Variants in MATR3 observed in about 807,000 individuals in gnomAD.
MATR3 encodes the protein matrin 3.
A neutral mutation model predicts 85.5 loss-of-function variants in MATR3; 4 were observed. That is an observed-to-expected ratio of 0.05 (90% CI 0.02 to 0.11). The LOEUF (loss-of-function observed/expected upper bound fraction) is 0.11. Among genes scored for constraint, MATR3 ranks in the 10% least tolerant of loss-of-function variants. The pLI, the probability that MATR3 is intolerant of heterozygous loss-of-function variation, is 1.00. For synonymous variants in MATR3, 336 were observed against 343.1 expected, an observed-to-expected ratio of 0.98 and a Z score of 0.23; for missense variants, 685 against 1,016.1, an observed-to-expected ratio of 0.67 and a Z score of 4.43.
intron 2 of MATR3, chr5:139,313,446 T>G (rs1279027112): frequency 3.3e-5 from 5 of 152,086 alleles, no homozygotes; most frequent in African/African-American, 9.7e-5. Flanking sequence ...TCCCAGTGAA[T>G]TTAAATAACA....
At chr5:139,304,173 G>A (rs962827050) in intron 1 of MATR3, among the ~76,000 whole-genome samples, 1 of 152,110 alleles carries the variant, frequency 6.6e-6, no homozygotes, top group Non-Finnish European at 1.5e-5. Context: ...TTTGTTTTGA[G>A]TTGCCTATAA....
rs1175767078 is a variant in MATR3 at position 139,329,979 on chromosome 5, T to C, written c.*584T>C. The C allele has an allele frequency of 1.8e-5, 8 of 453,016 alleles. No individual in the cohort carries two copies. The highest frequency in any genetic ancestry group is 3.1e-5 in the Non-Finnish European group (7 of 226,008). The allele number at this position is 453,016 out of a possible 1,614,324, so 28.1% of individuals were successfully genotyped here. Reference sequence around the variant, plus strand: ...ATAAGAAATATTAAGTAATTGGCTTTAGATTTTGTAATTTTTTTCCCTGAG... The same window carrying C: ...ATAAGAAATATTAAGTAATTGGCTTCAGATTTTGTAATTTTTTTCCCTGAG... On this transcript the variant is annotated 3_prime_UTR_variant, in exon 15 of 15. Transcript: ENST00000394805.
intron 13 of MATR3, 61 bp downstream of exon 13, chr5:139,325,723 T>G: frequency 6.9e-7 from 1 of 1,452,796 alleles, no homozygotes. Flanking sequence ...CTCTTAGGTT[T>G]TAAAATAAGA....
upstream of MATR3, among the ~76,000 whole-genome samples, chr5:139,288,765 C>G (rs1228629037): frequency 6.6e-5 from 10 of 152,224 alleles, no homozygotes; most frequent in East Asian, 1.9e-3. Context: ...CTCAACCTCC[C>G]GAGTAGCTGG....
Position 139,307,914 on chromosome 5 carries a change from C to A in MATR3, c.499C>A (p.Arg167=), listed in dbSNP as rs138894013. 6.2e-7 allele frequency: 1 copy of A among 1,613,972 alleles called. No individual in the cohort carries two copies. Among genetic ancestry groups the A allele is most frequent in the Non-Finnish European group, 8.5e-7 (1 of 1,179,996 alleles). ...TGGTAGAGATGGCAGATCTGCTACA[C>A]GGGAGCCACCATACAGAGTACCTAG... ...SYGRDGRSAT[R]EPPYRVPRDD... is the part of the protein sequence containing the mutation. Residue 167 remains arginine (R), a synonymous_variant, in exon 2 of 15, where the codon CGG becomes AGG. Coordinates refer to ENST00000394805, the MANE Select transcript of MATR3 (RefSeq NM_018834.6). The surrounding 1 kb of genome is among the most constrained non-coding windows in gnomAD (Gnocchi z 4.4).
rs767233367 is a variant in MATR3 at position 139,308,312 on chromosome 5, A to T, written c.897A>T (p.Pro299=). The T allele has an allele frequency of 1.4e-5, 22 of 1,614,036 alleles. No homozygotes were observed. Among genetic ancestry groups the T allele is most frequent in the South Asian group, 4.4e-5 (4 of 91,090 alleles). ...ATCTGTGCTCTATATGTGATTTGCC[A>T]GTTCATTCTAATAAGGTGAGTTAAC... The part of the protein sequence containing the change: ...YPHLCSICDL[P]VHSNKEWSQH... Residue 299 remains proline, a synonymous_variant, in exon 2 of 15, where the codon CCA becomes CCT. Transcript: ENST00000394805.
chr5:139,325,214 C>T, intron 12 of MATR3: 1 of 1,507,720 alleles, frequency 6.6e-7, no homozygotes, highest in South Asian at 1.3e-5. Flanking sequence ...GGCAAAGACG[C>T]TATCCGTTTC....
chr5:139,274,681 A>C (rs1322899700), intron 1 of MATR3, among the ~76,000 whole-genome samples: 1 of 152,132 alleles, frequency 6.6e-6, no homozygotes, highest in Non-Finnish European at 1.5e-5. Flanking sequence ...TCACGCCTGT[A>C]ATCTCAGCAC....
chr5:139,291,820 T>C (rs1240748092), upstream of MATR3, among the ~76,000 whole-genome samples: 1 of 151,994 alleles, frequency 6.6e-6, no homozygotes, highest in African/African-American at 2.4e-5. Flanking sequence ...ATTACAGGCA[T>C]GAGTCACCGC....
At chr5:139,276,157 G>A (rs1753268482) in intron 2 of MATR3, 3 of 456,622 alleles carry the variant, frequency 6.6e-6, no homozygotes, top group Non-Finnish European at 1.3e-5. Flanking sequence ...GCAGGTGAGT[G>A]CAACCCCTTC....
chr5:139,320,598 G>T (rs569815624), intron 9 of MATR3, among the ~76,000 whole-genome samples: 1 of 152,098 alleles, frequency 6.6e-6, no homozygotes, highest in African/African-American at 2.4e-5. Context: ...GTGAGACCCT[G>T]TCTCAAAAAG....
chr5:139,321,820 A>G, intron 9 of MATR3, 78 bp from the exon 10 acceptor site: 2 of 1,434,884 alleles, frequency 1.4e-6, no homozygotes, highest in Non-Finnish European at 9.6e-7. Context: ...TCTAACCAGT[A>G]GGTAGAATAC....
intron 1 of MATR3, among the ~76,000 whole-genome samples, chr5:139,299,080 G>A (rs145994742): frequency 4.8e-4 from 73 of 152,248 alleles, no homozygotes; most frequent in Middle Eastern, 6.8e-3. Context: ...GGAGGGAGTC[G>A]TTGGAAATTG....
At chr5:139,275,879 G>T (rs1260840834) in intron 1 of MATR3, among the ~76,000 whole-genome samples, 1 of 152,192 alleles carries the variant, frequency 6.6e-6, no homozygotes, top group African/African-American at 2.4e-5. Flanking sequence ...GCTAGACACT[G>T]GTTAGGGGAT....
At chr5:139,286,483 A>G (rs1228322655) in intron 3 of MATR3, among the ~76,000 whole-genome samples, 4 of 149,520 alleles carry the variant, frequency 2.7e-5, no homozygotes, top group Non-Finnish European at 5.9e-5. Flanking sequence ...GGACTTTTTA[A>G]TTTTATTATT....
At chr5:139,320,622 G>A (rs537373679) in intron 9 of MATR3, among the ~76,000 whole-genome samples, 1 of 152,042 alleles carries the variant, frequency 6.6e-6, no homozygotes, top group African/African-American at 2.4e-5. Context: ...ATAAGGATGA[G>A]GAGAACATCT....
chr5:139,276,215 C>T, intron 2 of MATR3: 1 of 456,700 alleles, frequency 2.2e-6, no homozygotes, highest in South Asian at 1.5e-5. Context: ...TGTCTTGTAC[C>T]TAGGCAAGTG....
At position 139,330,719 on chromosome 5, in the gene MATR3, G is replaced by A; in HGVS notation, c.*1324G>A. The A allele has an allele frequency of 2.2e-6, 1 of 454,112 alleles. No individual in the cohort carries two copies. The highest frequency in any genetic ancestry group is 4.4e-6 in the Non-Finnish European group (1 of 226,784). 28.1% of individuals were successfully genotyped at this position (454,112 alleles called of 1,614,324 possible). ...TAACAGTACAATTGGAAGTAATACGGATGAGCAAGAATTAGTTCTGCAGCT... is the reference window on the plus strand; with the variant it reads ...TAACAGTACAATTGGAAGTAATACGAATGAGCAAGAATTAGTTCTGCAGCT... On this transcript the variant is annotated 3_prime_UTR_variant, in exon 15 of 15. Coordinates refer to ENST00000394805, the MANE Select transcript of MATR3 (RefSeq NM_018834.6).
At chr5:139,280,637 T>A (rs1375326574) in intron 3 of MATR3, 3 of 152,218 alleles carry the variant, frequency 2.0e-5, no homozygotes, top group Non-Finnish European at 4.4e-5. Flanking sequence ...TCTGCACTTA[T>A]CAAACTCAGC....
Sources: gnomAD v4.1 joint callset for allele counts (sites outside exome capture counted in the v4.1 genomes callset) on GRCh38, gnomAD v4.1.1 for gene constraint, Gnocchi (gnomAD v3.1) non-coding constraint, MANE v1.5 for transcripts, NCBI Gene and HGNC (gene_info 2026-07-23, HGNC 2026-07-21) for gene names.